SLF1: variants seen among roughly 807,000 people sequenced by gnomAD.
SLF1 encodes SMC5/6 complex localization factor 1.
A neutral mutation model predicts 123.0 loss-of-function variants in SLF1; 105 were observed. The observed-to-expected ratio is 0.85, with a 90% CI of 0.73 to 1.00. SLF1 has a LOEUF of 1.00. Ranked by LOEUF, SLF1 falls within the 50% of genes least tolerant of loss-of-function variation. The pLI is 0.00. For synonymous variants in SLF1, 434 were observed against 406.6 expected (o/e 1.07, Z -0.81); for missense variants, 1,239 against 1,223.0 (o/e 1.01, Z -0.20).
At chr5:94,629,269 ATG>A in intron 3 of SLF1, 102 bp downstream of exon 3, 1 of 793,078 alleles carries the variant, frequency 1.3e-6, no homozygotes, top group Non-Finnish European at 1.8e-6. Flanking sequence ...TCAAACCTAA[ATG>A]TGTTTTTCTG....
chr5:94,641,165 A>C (rs1217390416), intron 4 of SLF1, among the ~76,000 whole-genome samples: 1 of 151,998 alleles, frequency 6.6e-6, no homozygotes, highest in Non-Finnish European at 1.5e-5. Context: ...TGCTATGGTG[A>C]ATGTTGTTCC....
intron 6 of SLF1, among the ~76,000 whole-genome samples, chr5:94,651,137 G>C (rs2152478798): frequency 6.6e-6 from 1 of 152,190 alleles, no homozygotes; most frequent in African/African-American, 2.4e-5. Flanking sequence ...GTTGCCTATA[G>C]CATTTAATAC....
chr5:94,669,871 TAAAG>T (rs1331540497), intron 12 of SLF1, among the ~76,000 whole-genome samples: 2 of 151,866 alleles, frequency 1.3e-5, no homozygotes, highest in African/African-American at 4.8e-5. Context: ...ATCAGTGAAA[TAAAG>T]AGCACAAAGG....
At chr5:94,636,027 T>A (rs1197226566) in intron 4 of SLF1, among the ~76,000 whole-genome samples, 2 of 152,218 alleles carry the variant, frequency 1.3e-5, no homozygotes, top group Non-Finnish European at 2.9e-5. Flanking sequence ...TTTTAATTTC[T>A]CCCTTATTTC....
chr5:94,638,381 G>A (rs893574551), intron 4 of SLF1, among the ~76,000 whole-genome samples: 1 of 151,786 alleles, frequency 6.6e-6, no homozygotes, highest in African/African-American at 2.4e-5. Context: ...GAGTTTCACC[G>A]TGTTAGCCAG....
At chr5:94,680,415 C>G (rs1359364800) in intron 15 of SLF1, among the ~76,000 whole-genome samples, 1 of 152,098 alleles carries the variant, frequency 6.6e-6, no homozygotes, top group Non-Finnish European at 1.5e-5. Context: ...CCTGCAGAAC[C>G]CTTTCTTATA....
At chr5:94,653,842 T>C (rs1272608646) in intron 8 of SLF1, among the ~76,000 whole-genome samples, 1 of 143,394 alleles carries the variant, frequency 7.0e-6, no homozygotes, top group Non-Finnish European at 1.5e-5. Flanking sequence ...GTAAATTTTT[T>C]CTGGAGTATG....
chr5:94,680,294 T>C (rs1229947294), intron 15 of SLF1, among the ~76,000 whole-genome samples: 5 of 152,206 alleles, frequency 3.3e-5, no homozygotes, highest in African/African-American at 1.2e-4. Flanking sequence ...GCATTTTATC[T>C]CTTTTATTTT....
chr5:94,642,816 G>A (rs1000559265), intron 4 of SLF1, among the ~76,000 whole-genome samples: 5 of 151,818 alleles, frequency 3.3e-5, no homozygotes, highest in East Asian at 1.9e-4. Context: ...ATAGATCAAG[G>A]CTAATTTTTT....
chr5:94,670,529 A>T (rs573217566), intron 13 of SLF1, among the ~76,000 whole-genome samples: 1 of 151,692 alleles, frequency 6.6e-6, no homozygotes, highest in African/African-American at 2.4e-5. Context: ...ATTTTTTAGG[A>T]TTTTAAAAAA....
At chr5:94,660,051 T>C (rs767085899) in intron 9 of SLF1, among the ~76,000 whole-genome samples, 3 of 152,158 alleles carry the variant, frequency 2.0e-5, no homozygotes, top group Admixed American at 6.5e-5. Context: ...GTTGTTTGCA[T>C]AGGTGCTCCT....
chr5:94,627,089 C>G (rs956962241), intron 1 of SLF1, among the ~76,000 whole-genome samples: 18 of 152,146 alleles, frequency 1.2e-4, no homozygotes, highest in African/African-American at 3.9e-4. Context: ...AAAATAGACT[C>G]TCTGTGAAGA....
chr5:94,689,768 T>G (rs576355353), intron 18 of SLF1, among the ~76,000 whole-genome samples, 162 bp downstream of exon 18: 4 of 152,310 alleles, frequency 2.6e-5, no homozygotes, highest in African/African-American at 9.6e-5. Context: ...TGAACTGTCA[T>G]TTATGCAAAG....
At chr5:94,625,794 T>C (rs1192537138) in intron 1 of SLF1, among the ~76,000 whole-genome samples, 5 of 152,204 alleles carry the variant, frequency 3.3e-5, no homozygotes, top group Non-Finnish European at 2.9e-5. Context: ...ATAATCCAAA[T>C]GTGGCTTTTT....
chr5:94,645,848 A>G (rs1746967666), intron 5 of SLF1, among the ~76,000 whole-genome samples: 1 of 152,222 alleles, frequency 6.6e-6, no homozygotes, highest in African/African-American at 2.4e-5. Flanking sequence ...GAGACATTAG[A>G]AAGTTAACTG....
At chr5:94,665,004 A>G (rs1456114731) in intron 11 of SLF1, among the ~76,000 whole-genome samples, 1 of 152,210 alleles carries the variant, frequency 6.6e-6, no homozygotes, top group African/African-American at 2.4e-5. Flanking sequence ...CTACTAGGGA[A>G]AAAAATTTCC....
intron 15 of SLF1, among the ~76,000 whole-genome samples, chr5:94,682,307 A>G (rs1160733560): frequency 1.3e-5 from 2 of 152,156 alleles, no homozygotes; most frequent in African/African-American, 4.8e-5. Flanking sequence ...GAATTTTGAA[A>G]TTCATTGTCT....
Position 94,670,979 on chromosome 5 carries a change from T to A in SLF1, c.1798T>A (p.Ser600Thr). Residue 600 changes from serine (S) to threonine (T), a missense_variant, in exon 14 of 21, where the codon TCT becomes ACT. Coordinates refer to ENST00000265140, the MANE Select transcript of SLF1 (RefSeq NM_032290.4). ...TATGCTTTTGGAATGGACTATATAT[T>A]CTCACAAGGAAAAATTCAAGTCTAA... ...VNMLLEWTIYSHKEKFKSNDV... is the reference protein window; with the variant it reads ...VNMLLEWTIYTHKEKFKSNDV... The A allele has an allele frequency of 6.5e-7, 1 of 1,546,740 alleles. No individual in the cohort carries two copies. The highest frequency in any genetic ancestry group is 8.7e-7 in the Non-Finnish European group (1 of 1,143,648).
At chr5:94,632,042 G>A (rs1745265888) in intron 4 of SLF1, among the ~76,000 whole-genome samples, 1 of 151,634 alleles carries the variant, frequency 6.6e-6, no homozygotes, top group Admixed American at 6.6e-5. Context: ...AGCCACTTGG[G>A]AGGCTGAGGT....
Sources: gnomAD v4.1 joint callset for allele counts (sites outside exome capture counted in the v4.1 genomes callset) on GRCh38, gnomAD v4.1.1 for gene constraint, MANE v1.5 for transcripts, NCBI Gene and HGNC (gene_info 2026-07-23, HGNC 2026-07-21) for gene names.